The following SKAP1 variants were observed in gnomAD, a reference collection of about 807,000 sequenced individuals.
SKAP1 encodes the protein src kinase-associated phosphoprotein 1.
A neutral mutation model predicts 58.5 loss-of-function variants in SKAP1; 44 were observed. The ratio of observed to expected loss-of-function variants is 0.75; its 90% CI spans 0.59 to 0.97. SKAP1 has a LOEUF of 0.97. SKAP1 is among the 50% of genes least tolerant of loss of function. SKAP1 has a pLI of 0.00. For missense variants in SKAP1, 390 were observed against 435.2 expected (o/e 0.90, Z 0.92); for synonymous variants, 127 against 149.7 (o/e 0.85, Z 1.11).
At chr17:48,180,579 T>C (rs966078215) in intron 8 of SKAP1, among the ~76,000 whole-genome samples, 2 of 152,106 alleles carry the variant, frequency 1.3e-5, no homozygotes, top group Non-Finnish European at 2.9e-5. Flanking sequence ...GAAAAGCCAG[T>C]GTGCTGTACA....
chr17:48,276,136 C>T lies in SKAP1; in HGVS notation c.280+69769G>A, dbSNP rs570233130. ...TTGGATCAAGAGAGAAATAAATAAC[C>T]ATATGATTCACAACTAACCGTAATC... On this transcript the variant is annotated intron_variant, in intron 4 of 12. Transcript: ENST00000336915. Among the ~76,000 whole-genome samples the T allele has an allele frequency of 1.6e-3, 245 of 152,204 alleles. 1 individual carries two copies. The highest frequency in any genetic ancestry group is 2.5e-3 in the Non-Finnish European group (172 of 68,008).
chr17:48,209,814 T>C (rs1294332990), intron 4 of SKAP1, among the ~76,000 whole-genome samples: 2 of 152,198 alleles, frequency 1.3e-5, no homozygotes, highest in Non-Finnish European at 2.9e-5. Flanking sequence ...GTTGTTGTTG[T>C]TTTATAAGTA....
intron 11 of SKAP1, among the ~76,000 whole-genome samples, chr17:48,141,936 C>T (rs2063772309): frequency 6.6e-6 from 1 of 152,178 alleles, no homozygotes; most frequent in Non-Finnish European, 1.5e-5. Context: ...CCCTAGAAGC[C>T]TCTCCTTGAC....
chr17:48,340,655 A>G (rs2066639072), intron 4 of SKAP1, among the ~76,000 whole-genome samples: 1 of 152,162 alleles, frequency 6.6e-6, no homozygotes, highest in Non-Finnish European at 1.5e-5. Flanking sequence ...ATAAAAGAGT[A>G]GGTTTTAAAA....
At chr17:48,267,663 ATTAAT>A (rs2065570700) in intron 4 of SKAP1, among the ~76,000 whole-genome samples, 1 of 152,214 alleles carries the variant, frequency 6.6e-6, no homozygotes, top group African/African-American at 2.4e-5. Context: ...ATGATTTGTG[ATTAAT>A]TTAATATCAA....
Position 48,421,396 on chromosome 17 carries a change from C to T in SKAP1, c.46+8679G>A, listed in dbSNP as rs560510893. ...GAGGCTCACTGCAACCTCTGCCTCC[C>T]AGGTTCAAGTGATTCTCCCGCCTCA... On this transcript the variant is annotated intron_variant, in intron 1 of 12. Transcript: ENST00000336915. Among the ~76,000 whole-genome samples the T allele has an allele frequency of 2.4e-4, 37 of 151,340 alleles. No individual in the cohort carries two copies. In the East Asian group the frequency reaches 7.0e-3, roughly 29 times the overall value.
intron 4 of SKAP1, 35 bp from the exon 5 acceptor site, chr17:48,189,535 C>T: frequency 6.5e-7 from 1 of 1,545,658 alleles, no homozygotes; most frequent in Non-Finnish European, 8.9e-7. Flanking sequence ...TTTATTGAAA[C>T]CTGGCAAAAT....
At chr17:48,413,616 A>T (rs1598675941) in intron 1 of SKAP1, among the ~76,000 whole-genome samples, 1 of 150,190 alleles carries the variant, frequency 6.7e-6, no homozygotes, top group Middle Eastern at 3.4e-3. Flanking sequence ...CCCTCAGAAC[A>T]CACTACTCAC....
intron 4 of SKAP1, among the ~76,000 whole-genome samples, chr17:48,260,830 C>A (rs1317063844): frequency 6.6e-6 from 1 of 152,130 alleles, no homozygotes; most frequent in Non-Finnish European, 1.5e-5. Context: ...ACCACACACA[C>A]ACAGTTTAAC....
intron 4 of SKAP1, among the ~76,000 whole-genome samples, chr17:48,269,864 C>T (rs1317838386): frequency 2.6e-5 from 4 of 152,036 alleles, no homozygotes; most frequent in South Asian, 2.1e-4. Flanking sequence ...GAGGCTGAGG[C>T]GGGAGGATCA....
rs8067524 is a variant in SKAP1 at position 48,375,582 on chromosome 17, T to A, written c.153-11768A>T. Among the ~76,000 whole-genome samples, 1,069 of 152,270 alleles carry A rather than the reference T, an allele frequency of 7.0e-3. 17 individuals carry two copies. Among genetic ancestry groups the A allele is most frequent in the African/African-American group, 0.025 (1,035 of 41,546 alleles). ...ACATTCCTTCCCCTACTTTCTAGCA[T>A]GAGGACTGTTTTTTCACCAGCAAAT... On this transcript the variant is annotated intron_variant, in intron 2 of 12. Transcript: ENST00000336915.
At chr17:48,320,739 T>A (rs2066351524) in intron 4 of SKAP1, among the ~76,000 whole-genome samples, 1 of 151,250 alleles carries the variant, frequency 6.6e-6, no homozygotes, top group African/African-American at 2.4e-5. Flanking sequence ...CACAGTGAGA[T>A]CCCATCTCTA....
intron 1 of SKAP1, 37 bp from the exon 2 acceptor site, chr17:48,396,822 G>T: frequency 6.8e-7 from 1 of 1,470,228 alleles, no homozygotes; most frequent in Non-Finnish European, 9.5e-7. Flanking sequence ...CAGAAAAGAT[G>T]TACTAAGGGA....
intron 4 of SKAP1, among the ~76,000 whole-genome samples, chr17:48,205,114 CTCTT>C (rs1402695585): frequency 6.8e-6 from 1 of 148,056 alleles, no homozygotes; most frequent in Admixed American, 6.8e-5. Context: ...CTCTCTCTGT[CTCTT>C]TCTTTTTTTG....
At chr17:48,431,103 A>C (rs2067911893), upstream of SKAP1, among the ~76,000 whole-genome samples, 1 of 152,212 alleles carries the variant, frequency 6.6e-6, no homozygotes, top group Admixed American at 6.5e-5. Flanking sequence ...GCCATGAAAA[A>C]AGTATAAAGT....
intron 4 of SKAP1, among the ~76,000 whole-genome samples, chr17:48,260,547 T>C (rs1490391356): frequency 1.3e-5 from 2 of 152,204 alleles, no homozygotes; most frequent in East Asian, 3.8e-4. Flanking sequence ...GTCATTAAGT[T>C]GTATTATCGG....
At chr17:48,285,127 T>C (rs2065814227) in intron 4 of SKAP1, among the ~76,000 whole-genome samples, 1 of 152,252 alleles carries the variant, frequency 6.6e-6, no homozygotes, top group South Asian at 2.1e-4. Flanking sequence ...CAGCCATCTC[T>C]AAATGTTCTT....
chr17:48,263,947 G>A (rs1405527967), intron 4 of SKAP1, among the ~76,000 whole-genome samples: 4 of 152,100 alleles, frequency 2.6e-5, no homozygotes, highest in East Asian at 1.9e-4. Context: ...CTGAAAGGGA[G>A]AGACAGAGAC....
chr17:48,255,492 T>C (rs1398899537), intron 4 of SKAP1, among the ~76,000 whole-genome samples: 1 of 151,454 alleles, frequency 6.6e-6, no homozygotes, highest in Non-Finnish European at 1.5e-5. Flanking sequence ...TATAACAGGA[T>C]ACAATATAAT....
Sources: gnomAD v4.1 joint callset for allele counts (sites outside exome capture counted in the v4.1 genomes callset) on GRCh38, gnomAD v4.1.1 for gene constraint, MANE v1.5 for transcripts, NCBI Gene and HGNC (gene_info 2026-07-23, HGNC 2026-07-21) for gene names.